TK1: variants seen among roughly 807,000 people sequenced by gnomAD.
TK1 encodes thymidine kinase 1.
TK1 carries 13 observed loss-of-function variants against 22.4 expected under a neutral mutation model. That is an observed-to-expected ratio of 0.58 (90% confidence interval 0.38 to 0.92). The LOEUF is 0.92. TK1 is among the 40% of genes least tolerant of loss of function. The pLI is 0.00. For missense variants in TK1, 251 were observed against 315.7 expected, an observed-to-expected ratio of 0.80 and a Z score of 1.55; for synonymous variants, 134 against 125.4, an observed-to-expected ratio of 1.07 and a Z score of -0.46.
At position 78,174,912 on chromosome 17, in the gene TK1, C is replaced by T. The variant is rs931939616; in HGVS notation, c.552G>A (p.Val184=). 11 of 1,613,818 alleles carry T rather than the reference C, an allele frequency of 6.8e-6. No homozygotes were observed. Among genetic ancestry groups the T allele is most frequent in the African/African-American group, 1.3e-5 (1 of 74,950 alleles). ...VIGGADKYHS[V]CRLCYFKKAS... ...CCTTCTTGAAGTAGCAGAGCCGACACACGGAGTGGTACTTGTCTGCTCCCC... is the reference window on the plus strand; with the variant it reads ...CCTTCTTGAAGTAGCAGAGCCGACATACGGAGTGGTACTTGTCTGCTCCCC... Residue 184 remains valine (V), a synonymous_variant, in exon 7 of 7, where the codon GTG becomes GTA. Coordinates refer to ENST00000301634, the MANE Select transcript of TK1 (RefSeq NM_003258.5).
rs745524845 is a variant in TK1 at position 78,175,583 on chromosome 17, G to C, written c.339C>G (p.Ala113=). 3 of 1,613,736 alleles carry C rather than the reference G, an allele frequency of 1.9e-6. No homozygotes were observed. In the South Asian group the frequency reaches 3.3e-5, roughly 18 times the overall value. ...CCACAATTACGGTCTTCCCGGCGTTGGCCATGGCCTCGCAGAACTCCACGA... is the reference window on the plus strand; with the variant it reads ...CCACAATTACGGTCTTCCCGGCGTTCGCCATGGCCTCGCAGAACTCCACGA... ...PDIVEFCEAM[A]NAGKTVIVAA... The change falls in exon 5 of 7, where the codon GCC becomes GCG. Residue 113 remains alanine (A), a synonymous_variant. Transcript: ENST00000301634.
At position 78,175,032 on chromosome 17, in the gene TK1, G is replaced by C; in HGVS notation, c.513+18C>G. On this transcript the variant is annotated intron_variant, in intron 6 of 6. Coordinates refer to ENST00000301634, the MANE Select transcript of TK1 (RefSeq NM_003258.5). ...TACCCCCACCCCGCCGGCCTGCAGG[G>C]AAGGCAGGTGGAGCTACCTCCTTCT... 1 of 1,612,604 alleles carries C rather than the reference G, an allele frequency of 6.2e-7. No homozygotes were observed. Among genetic ancestry groups the C allele is most frequent in the East Asian group, 2.2e-5 (1 of 44,798 alleles).
chr17:78,187,092 G>A (rs1266256959), upstream of TK1: 3 of 1,339,502 alleles, frequency 2.2e-6, no homozygotes, highest in Admixed American at 5.7e-5. Flanking sequence ...ACGGCGTGCT[G>A]GCCAATCACG....
upstream of TK1, chr17:78,187,097 A>G (rs1216718360): frequency 1.5e-6 from 2 of 1,313,936 alleles, no homozygotes; most frequent in Non-Finnish European, 2.2e-6. Context: ...GTGCTGGCCA[A>G]TCACGAGCCG....
chr17:78,178,299 C>T (rs2075715267), intron 4 of TK1, among the ~76,000 whole-genome samples: 1 of 152,224 alleles, frequency 6.6e-6, no homozygotes, highest in South Asian at 2.1e-4. Flanking sequence ...GCACAGCACC[C>T]CCAGCTAGGA....
chr17:78,176,384 T>G (rs2075699920), intron 4 of TK1, among the ~76,000 whole-genome samples: 1 of 152,150 alleles, frequency 6.6e-6, no homozygotes, highest in South Asian at 2.1e-4. Flanking sequence ...AGGGATGTCC[T>G]TGTCCTTGGG....
upstream of TK1, chr17:78,187,166 G>A: frequency 1.1e-6 from 1 of 913,644 alleles, no homozygotes; most frequent in Non-Finnish European, 1.7e-6. Context: ...AGATTTGGCC[G>A]CAGCCCGCCC....
chr17:78,180,339 G>A (rs559755479), intron 4 of TK1, among the ~76,000 whole-genome samples: 4 of 152,342 alleles, frequency 2.6e-5, no homozygotes, highest in African/African-American at 9.6e-5. Flanking sequence ...ATAAATTCCT[G>A]TTATGTTTAT....
At chr17:78,178,062 G>C (rs1238067137) in intron 4 of TK1, among the ~76,000 whole-genome samples, 3 of 152,040 alleles carry the variant, frequency 2.0e-5, no homozygotes, top group Non-Finnish European at 2.9e-5. Flanking sequence ...GTAGAGATGG[G>C]GTTTCACCAT....
rs1065767 is a variant in TK1 at position 78,174,870 on chromosome 17, G to A, written c.594C>T (p.Ala198=). The change falls in exon 7 of 7, where the codon GCC becomes GCT. Residue 198 remains alanine, a synonymous_variant. Transcript: ENST00000301634. ...GGCAGTTCTCTTTGTTGTCCGGCCC[G>A]GCAGGCTGGCCTGAGGCCTTCTTGA... ...CYFKKASGQP[A]GPDNKENCPV... is the part of the protein sequence containing the mutation. 4.2e-3 allele frequency: 6,802 copies of A among 1,613,828 alleles called. 283 individuals are homozygous for A. The African/African-American group carries it at 0.082, about 19-fold the overall frequency.
intron 4 of TK1, chr17:78,179,076 G>T: frequency 2.5e-6 from 2 of 812,216 alleles, no homozygotes; most frequent in Non-Finnish European, 3.0e-6. Context: ...CGAGGAAGGA[G>T]AAGGGAAAGG....
chr17:78,174,978 AGG>A (rs1349228640), intron 6 of TK1, 28 bp from the exon 7 acceptor site: 3 of 1,610,850 alleles, frequency 1.9e-6, no homozygotes, highest in Admixed American at 1.7e-5. Context: ...GGATGGGTGA[AGG>A]GCCAGGACAG....
intron 3 of TK1, among the ~76,000 whole-genome samples, chr17:78,184,331 G>A (rs1378272334): frequency 6.6e-6 from 1 of 152,214 alleles, no homozygotes; most frequent in Admixed American, 6.5e-5. Flanking sequence ...AGGGCTCTGA[G>A]GCTGAAGCCC....
At chr17:78,183,425 A>C (rs1290285163) in intron 3 of TK1, among the ~76,000 whole-genome samples, 1 of 152,202 alleles carries the variant, frequency 6.6e-6, no homozygotes, top group Non-Finnish European at 1.5e-5. Flanking sequence ...CTGGCCAGAC[A>C]CAGCAGCTCA....
chr17:78,175,610 G>A lies in TK1; in HGVS notation c.312C>T (p.Asp104=). The change falls in exon 5 of 7, where the codon GAC becomes GAT. Residue 104 remains aspartate (D), a synonymous_variant. Coordinates refer to ENST00000301634, the MANE Select transcript of TK1 (RefSeq NM_003258.5). ...IGIDEGQFFP[D]IVEFCEAMAN... The stretch of plus-strand genomic sequence containing the variant: ...CCATGGCCTCGCAGAACTCCACGAT[G>A]TCAGGGAACTGGAAAGGGCACGTGG... 6.2e-7 allele frequency: 1 copy of A among 1,613,474 alleles called. No individual in the cohort carries two copies. Among genetic ancestry groups the A allele is most frequent in the Non-Finnish European group, 8.5e-7 (1 of 1,179,800 alleles).
chr17:78,186,125 A>AGGTG (rs2075788676), intron 2 of TK1, among the ~76,000 whole-genome samples: 1 of 135,652 alleles, frequency 7.4e-6, no homozygotes, highest in African/African-American at 3.4e-5. Context: ...AGCTGGGTGG[A>AGGTG]GGCGGGGGGG....
At chr17:78,181,557 A>C (rs1246103242) in intron 4 of TK1, among the ~76,000 whole-genome samples, 1 of 150,562 alleles carries the variant, frequency 6.6e-6, no homozygotes, top group Non-Finnish European at 1.5e-5. Context: ...AAAAAAACCC[A>C]AACCCACACA....
intron 4 of TK1, among the ~76,000 whole-genome samples, chr17:78,177,874 TTGTC>T (rs2075712233): frequency 6.6e-6 from 1 of 150,852 alleles, no homozygotes; most frequent in Admixed American, 6.6e-5. Flanking sequence ...GCGCCTGGCT[TTGTC>T]TATTTTTTTT....
At chr17:78,183,966 A>G (rs2075759201) in intron 3 of TK1, among the ~76,000 whole-genome samples, 2 of 152,186 alleles carry the variant, frequency 1.3e-5, no homozygotes, top group African/African-American at 4.8e-5. Context: ...CTTGTGACAC[A>G]CGGGCAGAAC....
Sources: allele counts gnomAD v4.1 joint callset (sites outside exome capture counted in the v4.1 genomes callset), GRCh38; gene constraint gnomAD v4.1.1; transcripts MANE v1.5; gene names NCBI Gene and HGNC (gene_info 2026-07-23, HGNC 2026-07-21).